The following CCDC91 variants were observed in gnomAD, a reference collection of about 807,000 sequenced individuals.
CCDC91 encodes the protein coiled-coil domain containing 91.
A neutral mutation model predicts 63.2 loss-of-function variants in CCDC91; 48 were observed. The observed-to-expected ratio is 0.76, with a 90% CI of 0.60 to 0.97. The LOEUF (loss-of-function observed/expected upper bound fraction) is 0.97. Ranked by LOEUF, CCDC91 falls within the 50% of genes least tolerant of loss-of-function variation. The pLI, the probability that CCDC91 is intolerant of heterozygous loss-of-function variation, is 0.00. For synonymous variants in CCDC91, 167 were observed against 165.8 expected (o/e 1.01, Z -0.06); for missense variants, 500 against 494.6 (o/e 1.01, Z -0.10).
intron 12 of CCDC91, among the ~76,000 whole-genome samples, chr12:28,527,400 A>G (rs1053369973): frequency 3.9e-5 from 6 of 152,240 alleles, no homozygotes; most frequent in Admixed American, 3.3e-4. Flanking sequence ...TAGCAAATGT[A>G]TCAGACTCTG....
At chr12:28,462,801 T>G (rs1427313013) in intron 11 of CCDC91, among the ~76,000 whole-genome samples, 2 of 152,120 alleles carry the variant, frequency 1.3e-5, no homozygotes, top group Non-Finnish European at 2.9e-5. Flanking sequence ...TTGAGAGTGA[T>G]AAAATATAAG....
rs1435981883 is a variant in CCDC91 at position 28,549,875 on chromosome 12, A to G, written c.*702A>G. 1 of 152,218 alleles carries G rather than the reference A, an allele frequency of 6.6e-6. No individual in the cohort carries two copies. Among genetic ancestry groups the G allele is most frequent in the African/African-American group, 2.4e-5 (1 of 41,448 alleles). The allele number at this position is 152,218 out of a possible 1,614,324, so 9.4% of individuals were successfully genotyped here. On this transcript the variant is annotated 3_prime_UTR_variant, in exon 13 of 13. Transcript: ENST00000536442. ...TTTGAATCAATAAAACCATTAGTCT[A>G]CAAATCAAATTGTGAACTTAATCTC... is the stretch of plus-strand genomic sequence containing the variant.
At chr12:28,222,054 G>A (rs1212980210) in intron 1 of CCDC91, among the ~76,000 whole-genome samples, 1 of 152,128 alleles carries the variant, frequency 6.6e-6, no homozygotes, top group African/African-American at 2.4e-5. Flanking sequence ...ATTTTGTGCT[G>A]TTGTCCAGTA....
At chr12:28,546,341 A>G (rs1251612632) in intron 12 of CCDC91, among the ~76,000 whole-genome samples, 1 of 152,046 alleles carries the variant, frequency 6.6e-6, no homozygotes, top group Non-Finnish European at 1.5e-5. Flanking sequence ...ATGCCCACTA[A>G]TTTATATTCT....
At chr12:28,250,344 T>C (rs1335460071) in intron 1 of CCDC91, among the ~76,000 whole-genome samples, 1 of 152,140 alleles carries the variant, frequency 6.6e-6, no homozygotes, top group Non-Finnish European at 1.5e-5. Context: ...TTTTAGGTAA[T>C]AAATTTACAC....
chr12:28,390,724 T>G (rs1264609696), intron 7 of CCDC91, among the ~76,000 whole-genome samples: 2 of 152,112 alleles, frequency 1.3e-5, no homozygotes, highest in Non-Finnish European at 2.9e-5. Context: ...ACTTACCTAC[T>G]TTGACTTATA....
chr12:28,514,995 G>A (rs1259678364), intron 12 of CCDC91, among the ~76,000 whole-genome samples: 2 of 151,628 alleles, frequency 1.3e-5, no homozygotes, highest in African/African-American at 4.8e-5. Context: ...TAACAAATAT[G>A]CACATAGACC....
intron 12 of CCDC91, among the ~76,000 whole-genome samples, chr12:28,526,869 T>A (rs1316131823): frequency 1.3e-5 from 2 of 151,992 alleles, no homozygotes; most frequent in Admixed American, 6.6e-5. Context: ...AGCTCTGAAG[T>A]TCTTTCTTCT....
At chr12:28,437,793 G>C (rs1948987614) in intron 8 of CCDC91, among the ~76,000 whole-genome samples, 2 of 151,496 alleles carry the variant, frequency 1.3e-5, no homozygotes, top group Admixed American at 1.3e-4. Flanking sequence ...TCAATGTTCT[G>C]TCATAGAAAC....
chr12:28,293,790 G>A (rs1309845903), intron 3 of CCDC91, among the ~76,000 whole-genome samples: 6 of 151,486 alleles, frequency 4.0e-5, no homozygotes, highest in Non-Finnish European at 5.9e-5. Flanking sequence ...GTACAATGAT[G>A]TGATCATAGT....
chr12:28,281,322 C>G (rs990462075), intron 3 of CCDC91, among the ~76,000 whole-genome samples: 4 of 152,114 alleles, frequency 2.6e-5, no homozygotes, highest in African/African-American at 7.2e-5. Context: ...CTAGACAAGT[C>G]TGAAATTCAT....
intron 12 of CCDC91, among the ~76,000 whole-genome samples, chr12:28,499,456 A>T (rs1952501379): frequency 6.6e-6 from 1 of 151,682 alleles, no homozygotes; most frequent in Non-Finnish European, 1.5e-5. Flanking sequence ...TGCTGCACCC[A>T]TCAACCTGTC....
intron 1 of CCDC91, among the ~76,000 whole-genome samples, chr12:28,193,178 T>C (rs1270982627): frequency 6.6e-6 from 1 of 152,266 alleles, no homozygotes; most frequent in African/African-American, 2.4e-5. Flanking sequence ...ATGAAGGTAC[T>C]GTAAACATTC....
In CCDC91 at chr12:28,356,873, A is replaced by T. The variant is rs539512665; in HGVS notation, c.577-5565A>T. ...AGCTGCTTTCTGATAGATGGAATAT[A>T]ATGTGGTTAGTTGATCTTTGGAATT... On this transcript the variant is annotated intron_variant, in intron 6 of 12. Transcript: ENST00000536442. Among the ~76,000 whole-genome samples the T allele has an allele frequency of 4.6e-5, 7 of 152,300 alleles. No homozygotes were observed. In the South Asian group the frequency reaches 1.4e-3, roughly 32 times the overall value.
intron 1 of CCDC91, among the ~76,000 whole-genome samples, chr12:28,229,468 C>T (rs1321971081): frequency 1.3e-5 from 2 of 152,070 alleles, no homozygotes; most frequent in East Asian, 3.8e-4. Flanking sequence ...TTAGGAAAGC[C>T]TTTGTCTAGA....
At chr12:28,300,744 A>G (rs1300092890) in intron 3 of CCDC91, among the ~76,000 whole-genome samples, 1 of 151,626 alleles carries the variant, frequency 6.6e-6, no homozygotes, top group Admixed American at 6.6e-5. Context: ...ATCCTATTAC[A>G]AGAGATATCT....
At chr12:28,512,555 T>A (rs1048179935) in intron 12 of CCDC91, among the ~76,000 whole-genome samples, 2 of 151,936 alleles carry the variant, frequency 1.3e-5, no homozygotes, top group African/African-American at 4.8e-5. Context: ...AATAAAGTTC[T>A]GTTGAAACAC....
chr12:28,416,226 C>A (rs1041019320), intron 8 of CCDC91, among the ~76,000 whole-genome samples: 1 of 152,108 alleles, frequency 6.6e-6, no homozygotes, highest in African/African-American at 2.4e-5. Flanking sequence ...ATCCCCACAA[C>A]TATTATCATT....
intron 1 of CCDC91, among the ~76,000 whole-genome samples, chr12:28,240,651 A>G (rs1945269544): frequency 6.6e-6 from 1 of 151,176 alleles, no homozygotes; most frequent in African/African-American, 2.4e-5. Flanking sequence ...TTTTTTTTTC[A>G]CTCAGTGTAA....
Sources: gnomAD v4.1 joint callset for allele counts (sites outside exome capture counted in the v4.1 genomes callset) on GRCh38, gnomAD v4.1.1 for gene constraint, MANE v1.5 for transcripts, NCBI Gene and HGNC (gene_info 2026-07-23, HGNC 2026-07-21) for gene names.